Variants in FAM76B observed in about 807,000 individuals in gnomAD.
FAM76B encodes the protein protein FAM76B.
In FAM76B, 16 loss-of-function variants were observed where a neutral mutation model predicts 51.8. The observed-to-expected ratio is 0.31, with a 90% CI of 0.21 to 0.47. The LOEUF (loss-of-function observed/expected upper bound fraction) is 0.47. Among genes scored for constraint, FAM76B ranks in the 20% least tolerant of loss-of-function variants. FAM76B has a pLI of 1.00. For missense variants in FAM76B, 342 were observed against 392.6 expected (o/e 0.87, Z 1.09); for synonymous variants, 166 against 129.5 (o/e 1.28, Z -1.91).
intron 2 of FAM76B, 118 bp from the exon 3 acceptor site, chr11:95,787,796 AT>A: frequency 1.3e-6 from 1 of 783,202 alleles, no homozygotes; most frequent in South Asian, 1.8e-5. Context: ...AGGACCACGG[AT>A]TTTTTTCAAA....
In FAM76B at chr11:95,779,944, G is replaced by A. The variant is rs1860184813; in HGVS notation, c.564-18C>T. ...TGCTGATTCTGAAAAATACACAAATGACATCTAATAATGACATTTATTTAT... is the reference window on the plus strand; with the variant it reads ...TGCTGATTCTGAAAAATACACAAATAACATCTAATAATGACATTTATTTAT... On this transcript the variant is annotated intron_variant, in intron 5 of 9. Coordinates refer to ENST00000358780, the MANE Select transcript of FAM76B (RefSeq NM_144664.5). 1.3e-6 allele frequency: 2 copies of A among 1,597,370 alleles called. No individual in the cohort carries two copies.
chr11:95,789,455 G>C lies in FAM76B; in HGVS notation c.24C>G (p.Ala8=), dbSNP rs1056306235. Residue 8 remains alanine (A), a synonymous_variant, in exon 1 of 10, where the codon GCC becomes GCG. Transcript: ENST00000358780. ...GATAACGCTGGGTACACTTGGTGCA[G>C]GCGTACAGGGCCGAGGCCGCCATCC... MAASALY[A]CTKCTQRYPF... 3.1e-6 allele frequency: 5 copies of C among 1,608,766 alleles called. No homozygotes were observed. The highest frequency in any genetic ancestry group is 1.7e-5 in the Admixed American group (1 of 59,594).
At chr11:95,776,052 T>C (rs1330505985) in intron 8 of FAM76B, 29 bp from the exon 9 acceptor site, 11 of 1,380,796 alleles carry the variant, frequency 8.0e-6, no homozygotes, top group Non-Finnish European at 8.0e-6. Context: ...AATATATGTA[T>C]ATATTTGCAC....
intron 5 of FAM76B, among the ~76,000 whole-genome samples, chr11:95,781,978 C>T (rs1397915244): frequency 1.3e-5 from 2 of 152,172 alleles, no homozygotes; most frequent in Non-Finnish European, 2.9e-5. Context: ...AGGTGGGCAT[C>T]AGTTGTTTGT....
chr11:95,778,965 G>T lies in FAM76B; in HGVS notation c.693-8C>A, dbSNP rs537574373. 1.4e-5 allele frequency: 23 copies of T among 1,603,136 alleles called. No individual in the cohort carries two copies. The South Asian group carries it at 2.3e-4, about 16-fold the overall frequency. On this transcript the variant is annotated splice_region_variant and splice_polypyrimidine_tract_variant and intron_variant, in intron 7 of 9. Coordinates refer to ENST00000358780, the MANE Select transcript of FAM76B (RefSeq NM_144664.5). ...GACTGATTTATAGAGCTACTAAAAA[G>T]AAAAAAGTAAAACACAGTTAAATGA... is the stretch of plus-strand genomic sequence containing the variant.
chr11:95,781,289 G>A (rs143948540), intron 5 of FAM76B, among the ~76,000 whole-genome samples: 3 of 152,056 alleles, frequency 2.0e-5, no homozygotes, highest in African/African-American at 4.8e-5. Context: ...TACCCCTGCC[G>A]ATCACTATCT....
In FAM76B at chr11:95,777,668, T is replaced by C. The variant is rs546677817; in HGVS notation, c.828+1154A>G. Among the ~76,000 whole-genome samples, 57 of 151,506 alleles carry C rather than the reference T, an allele frequency of 3.8e-4. No individual in the cohort carries two copies. In the South Asian group the frequency reaches 0.01, roughly 28 times the overall value. On this transcript the variant is annotated intron_variant, in intron 8 of 9. Coordinates refer to ENST00000358780, the MANE Select transcript of FAM76B (RefSeq NM_144664.5). ...TTATATGTCACTCCTAATTTTCATATACTAAATTTGCTTAAAGTAAGCTAC... is the reference window on the plus strand; with the variant it reads ...TTATATGTCACTCCTAATTTTCATACACTAAATTTGCTTAAAGTAAGCTAC...
Position 95,778,879 on chromosome 11 carries a change from C to T in FAM76B, c.771G>A (p.Met257Ile). The stretch of plus-strand genomic sequence containing the variant: ...TCTGCTGTAAGAGACGCTTAAGTGA[C>T]ATCACTTCTTCTTTCAATTGACTTA... ...VLISQLKEEV[M>I]SLKRLLQQRD... The change falls in exon 8 of 10, where the codon ATG becomes ATA. Residue 257 changes from methionine to isoleucine, a missense_variant. Coordinates refer to ENST00000358780, the MANE Select transcript of FAM76B (RefSeq NM_144664.5). 13 of 1,610,928 alleles carry T rather than the reference C, an allele frequency of 8.1e-6. No homozygotes were observed. Among genetic ancestry groups the T allele is most frequent in the Non-Finnish European group, 1.1e-5 (13 of 1,178,008 alleles).
At chr11:95,788,759 G>C in intron 1 of FAM76B, 196 bp from the exon 2 acceptor site, 2 of 1,388,016 alleles carry the variant, frequency 1.4e-6, no homozygotes. Flanking sequence ...AGGTGTCTTT[G>C]TCTTTAGTAG....
intron 4 of FAM76B, 62 bp from the exon 5 acceptor site, chr11:95,783,326 T>C: frequency 6.9e-7 from 1 of 1,447,204 alleles, no homozygotes; most frequent in African/African-American, 1.4e-5. Context: ...CGAAACCAGG[T>C]AAGATAAACC....
Position 95,789,470 on chromosome 11 carries a change from G to A in FAM76B, c.9C>T (p.Ala3=), listed in dbSNP as rs778168540. 1.9e-6 allele frequency: 3 copies of A among 1,605,904 alleles called. No homozygotes were observed. Among genetic ancestry groups the A allele is most frequent in the South Asian group, 2.2e-5 (2 of 89,702 alleles). The change falls in exon 1 of 10, where the codon GCC becomes GCT. Residue 3 remains alanine (A), a synonymous_variant. Transcript: ENST00000358780. Reference sequence around the variant, plus strand: ...ACTTGGTGCAGGCGTACAGGGCCGAGGCCGCCATCCTGCTCCTCAGTCTCC... The same window carrying A: ...ACTTGGTGCAGGCGTACAGGGCCGAAGCCGCCATCCTGCTCCTCAGTCTCC... MA[A]SALYACTKCT...
intron 7 of FAM76B, 25 bp from the exon 8 acceptor site, chr11:95,778,982 G>C: frequency 1.2e-6 from 2 of 1,604,398 alleles, no homozygotes; most frequent in African/African-American, 1.3e-5. Context: ...GTAAAACACA[G>C]TTAAATGAAG....
Position 95,789,748 on chromosome 11 carries a change from AG to A in FAM76B, c.-271del, listed in dbSNP as rs1363485772. 8.8e-6 allele frequency: 4 copies of A among 453,146 alleles called. No homozygotes were observed. Among genetic ancestry groups the A allele is most frequent in the South Asian group, 3.4e-5 (1 of 29,666 alleles). 28.1% of individuals were successfully genotyped at this position (453,146 alleles called of 1,614,324 possible). ...AGCGGCGGAGGGAGACGAAGCGGGTAGGGGGTTGCTGTTTAGCTGTGCGGCC... is the reference window on the plus strand; with the variant it reads ...AGCGGCGGAGGGAGACGAAGCGGGTAGGGGTTGCTGTTTAGCTGTGCGGCC... On this transcript the variant is annotated 5_prime_UTR_variant, in exon 1 of 10. Transcript: ENST00000358780.
Position 95,788,871 on chromosome 11 carries a change from A to G in FAM76B, c.88-308T>C, listed in dbSNP as rs969078404. On this transcript the variant is annotated intron_variant, in intron 1 of 9. Transcript: ENST00000358780. The stretch of plus-strand genomic sequence containing the variant: ...TATTATTTTGCACCGTTGCTCACAG[A>G]CAGCATCCAGGCTTTAATGGGATGG... 5.1e-6 allele frequency: 7 copies of G among 1,376,680 alleles called. No homozygotes were observed. In the Admixed American group the frequency reaches 1.5e-4, roughly 30 times the overall value. 85.3% of individuals were successfully genotyped at this position (1,376,680 alleles called of 1,614,324 possible).
At chr11:95,788,437 C>T (rs1860726451) in intron 2 of FAM76B, 62 bp downstream of exon 2, 9 of 1,302,796 alleles carry the variant, frequency 6.9e-6, no homozygotes, top group Admixed American at 5.5e-5. Context: ...GATTACAACC[C>T]CCAAGTATTC....
At position 95,785,335 on chromosome 11, in the gene FAM76B, C is replaced by G. The variant is rs562639103; in HGVS notation, c.363+784G>C. On this transcript the variant is annotated intron_variant, in intron 4 of 9. Transcript: ENST00000358780. ...GATAAGGTGGGTACTACCGTATTCA[C>G]TGTTTTGTGGGAACTTTAAAGAACT... Among the ~76,000 whole-genome samples the G allele has an allele frequency of 2.7e-3, 414 of 152,318 alleles. 3 individuals are homozygous for G. Among genetic ancestry groups the G allele is most frequent in the Non-Finnish European group, 5.1e-3 (348 of 68,038 alleles).
Position 95,771,419 on chromosome 11 carries a change from T to G in FAM76B, c.*142A>C, listed in dbSNP as rs1013624007. ...TTTACAACTTAAAAAATGCTGTATA[T>G]CAATTACAAAAGTGAACAGGAAACA... On this transcript the variant is annotated 3_prime_UTR_variant, in exon 10 of 10. Transcript: ENST00000358780. The G allele has an allele frequency of 1.1e-5, 6 of 559,130 alleles. No individual in the cohort carries two copies. The African/African-American group carries it at 1.2e-4, about 11-fold the overall frequency. 34.6% of individuals were successfully genotyped at this position (559,130 alleles called of 1,614,324 possible). A position where few individuals can be genotyped will look rare whatever the true frequency, so the allele number is the denominator to read the frequency against.
chr11:95,787,612 AG>A lies in FAM76B; in HGVS notation c.207+11del, dbSNP rs1418929503. ...CTGGTAACAATGACATGAAAACATAAGACATACTTACCGTCCCAAATTGCTT... is the reference window on the plus strand; with the variant it reads ...CTGGTAACAATGACATGAAAACATAAACATACTTACCGTCCCAAATTGCTT... On this transcript the variant is annotated intron_variant, in intron 3 of 9. Coordinates refer to ENST00000358780, the MANE Select transcript of FAM76B (RefSeq NM_144664.5). 2.5e-6 allele frequency: 4 copies of A among 1,608,228 alleles called. No individual in the cohort carries two copies. In the Admixed American group the frequency reaches 6.7e-5, roughly 27 times the overall value.
intron 2 of FAM76B, 60 bp from the exon 3 acceptor site, chr11:95,787,738 T>TAAA: frequency 7.3e-7 from 1 of 1,373,660 alleles, no homozygotes; most frequent in Non-Finnish European, 1.0e-6. Context: ...ATTAGCACAA[T>TAAA]GTCAAAATAA....
Sources: allele counts gnomAD v4.1 joint callset (sites outside exome capture counted in the v4.1 genomes callset), GRCh38; gene constraint gnomAD v4.1.1; transcripts MANE v1.5; gene names NCBI Gene and HGNC (gene_info 2026-07-23, HGNC 2026-07-21).